The following LDLRAD3 variants were observed in gnomAD, a reference collection of about 807,000 sequenced individuals.
The protein encoded by LDLRAD3 is low-density lipoprotein receptor class A domain-containing protein 3.
In LDLRAD3, 20 loss-of-function variants were observed where a neutral mutation model predicts 29.4. The observed-to-expected ratio is 0.68, with a 90% CI of 0.48 to 0.99. LDLRAD3 has a LOEUF of 0.99. Ranked by LOEUF, LDLRAD3 falls within the 50% of genes least tolerant of loss-of-function variation. The pLI, the probability that LDLRAD3 is intolerant of heterozygous loss-of-function variation, is 0.00. For missense variants in LDLRAD3, 420 were observed against 454.3 expected (o/e 0.92, Z 0.69); for synonymous variants, 157 against 192.7 (o/e 0.81, Z 1.53).
chr11:36,182,469 C>T (rs12802983), intron 4 of LDLRAD3, among the ~76,000 whole-genome samples: 5,986 of 152,226 alleles, frequency 0.039, 391 homozygotes, highest in African/African-American at 0.13. Context: ...CTTCAGAATT[C>T]GGTCCTCTTG....
At chr11:36,145,014 G>C (rs1460381460) in intron 4 of LDLRAD3, among the ~76,000 whole-genome samples, 1 of 108,316 alleles carries the variant, frequency 9.2e-6, no homozygotes, top group African/African-American at 3.4e-5. Context: ...CAGCCGCCCC[G>C]TCCGGGAGGT....
intron 4 of LDLRAD3, among the ~76,000 whole-genome samples, chr11:36,195,861 A>G (rs761114577): frequency 6.6e-6 from 1 of 152,130 alleles, no homozygotes; most frequent in Non-Finnish European, 1.5e-5. Flanking sequence ...ATGTGCATAA[A>G]ATTCAGATAC....
chr11:36,027,048 G>T (rs903739219), intron 1 of LDLRAD3, among the ~76,000 whole-genome samples: 2 of 152,198 alleles, frequency 1.3e-5, no homozygotes, highest in Non-Finnish European at 2.9e-5. Flanking sequence ...CTCTCTTGGA[G>T]TTTGGGTCGG....
intron 4 of LDLRAD3, among the ~76,000 whole-genome samples, chr11:36,182,905 G>A (rs1393332060): frequency 6.6e-6 from 1 of 152,198 alleles, no homozygotes; most frequent in African/African-American, 2.4e-5. Context: ...CACATGCAGA[G>A]CCTGATATTA....
chr11:36,149,690 G>A (rs1441993741), intron 4 of LDLRAD3, among the ~76,000 whole-genome samples: 1 of 152,216 alleles, frequency 6.6e-6, no homozygotes, highest in Non-Finnish European at 1.5e-5. Flanking sequence ...GTTTGTCTCA[G>A]TTGGTAATTG....
intron 4 of LDLRAD3, among the ~76,000 whole-genome samples, chr11:36,115,714 C>T (rs1372191191): frequency 6.6e-6 from 1 of 152,184 alleles, no homozygotes; most frequent in Non-Finnish European, 1.5e-5. Flanking sequence ...TATGGTGCTT[C>T]TGATGGAAGC....
chr11:36,208,576 A>G (rs1855241812), intron 4 of LDLRAD3, among the ~76,000 whole-genome samples: 1 of 152,232 alleles, frequency 6.6e-6, no homozygotes. Flanking sequence ...ACCCTTCAGT[A>G]CCATTACATT....
intron 1 of LDLRAD3, among the ~76,000 whole-genome samples, chr11:36,013,324 T>C (rs922638709): frequency 6.6e-6 from 1 of 152,200 alleles, no homozygotes; most frequent in East Asian, 1.9e-4. Context: ...AGTTCCGAGA[T>C]ACATGTGCAG....
intron 4 of LDLRAD3, among the ~76,000 whole-genome samples, chr11:36,100,957 A>G (rs958304614): frequency 9.9e-5 from 15 of 152,054 alleles, no homozygotes; most frequent in African/African-American, 3.6e-4. Context: ...TAAAGCTCCT[A>G]TTTTTTTAAA....
intron 1 of LDLRAD3, among the ~76,000 whole-genome samples, chr11:36,003,378 T>G (rs1851847836): frequency 6.6e-6 from 1 of 152,270 alleles, no homozygotes; most frequent in Admixed American, 6.5e-5. Context: ...CTGTATTTTC[T>G]CAGCCTTTCC....
intron 4 of LDLRAD3, among the ~76,000 whole-genome samples, chr11:36,221,647 TAAAG>T (rs1005514181): frequency 6.6e-6 from 1 of 151,890 alleles, no homozygotes. Flanking sequence ...AAAATAAAAA[TAAAG>T]AAACTGAGAT....
intron 1 of LDLRAD3, among the ~76,000 whole-genome samples, chr11:36,022,806 C>T (rs1852114276): frequency 1.3e-5 from 2 of 152,322 alleles, no homozygotes; most frequent in South Asian, 4.1e-4. Flanking sequence ...ACAGGTTCGT[C>T]TACACAGTTT....
intron 2 of LDLRAD3, among the ~76,000 whole-genome samples, chr11:36,054,315 T>C (rs1056533327): frequency 6.6e-6 from 1 of 152,220 alleles, no homozygotes; most frequent in Admixed American, 6.5e-5. Flanking sequence ...AGGAGCAGCA[T>C]TGTATTTACC....
At chr11:36,176,312 A>T (rs1191476968) in intron 4 of LDLRAD3, among the ~76,000 whole-genome samples, 1 of 152,122 alleles carries the variant, frequency 6.6e-6, no homozygotes, top group Non-Finnish European at 1.5e-5. Context: ...CAATGTTAGT[A>T]TTGAGATGTG....
At chr11:36,215,375 G>A (rs1855337864) in intron 4 of LDLRAD3, among the ~76,000 whole-genome samples, 1 of 152,180 alleles carries the variant, frequency 6.6e-6, no homozygotes, top group Non-Finnish European at 1.5e-5. Context: ...GTTTTTAGAA[G>A]GAGCACCCTG....
intron 2 of LDLRAD3, among the ~76,000 whole-genome samples, chr11:36,065,841 T>C (rs1460597243): frequency 6.6e-6 from 1 of 152,176 alleles, no homozygotes; most frequent in Non-Finnish European, 1.5e-5. Flanking sequence ...CTGCTGTTTA[T>C]GTGGATCATG....
chr11:36,174,544 A>G (rs1189474199), intron 4 of LDLRAD3, among the ~76,000 whole-genome samples: 1 of 152,242 alleles, frequency 6.6e-6, no homozygotes, highest in Non-Finnish European at 1.5e-5. Context: ...CCCATCAAAA[A>G]GTGGGCAAAG....
At chr11:36,138,702 C>G (rs1854036901) in intron 4 of LDLRAD3, among the ~76,000 whole-genome samples, 1 of 152,214 alleles carries the variant, frequency 6.6e-6, no homozygotes, top group African/African-American at 2.4e-5. Context: ...GAAAATGCCT[C>G]TGGTTTAGAA....
In LDLRAD3 at chr11:36,075,561, C is replaced by G. The variant is rs554954303; in HGVS notation, c.194-6092C>G. ...ACATATTGCGGAAGATACTTTGACA[C>G]TGTGCATATCCTATTTCTCCTCAAG... On this transcript the variant is annotated intron_variant, in intron 2 of 5. Coordinates refer to ENST00000315571, the MANE Select transcript of LDLRAD3 (RefSeq NM_174902.4). Among the ~76,000 whole-genome samples, 4 of 152,340 alleles carry G rather than the reference C, an allele frequency of 2.6e-5. No individual in the cohort carries two copies. The East Asian group carries it at 7.7e-4, about 29-fold the overall frequency.
Sources: allele counts gnomAD v4.1 joint callset (sites outside exome capture counted in the v4.1 genomes callset), GRCh38; gene constraint gnomAD v4.1.1; transcripts MANE v1.5; gene names NCBI Gene and HGNC (gene_info 2026-07-23, HGNC 2026-07-21).